The following TBC1D10B variants were observed in gnomAD, a reference collection of about 807,000 sequenced individuals.
TBC1D10B encodes TBC1 domain family member 10B.
Under a neutral mutation model 78.4 loss-of-function variants are expected in TBC1D10B, and 25 were observed. The observed-to-expected ratio is 0.32, with a 90% CI of 0.23 to 0.45. TBC1D10B has a LOEUF of 0.45. Ranked by LOEUF, TBC1D10B falls within the 20% of genes least tolerant of loss-of-function variation. The pLI, the probability that TBC1D10B is intolerant of heterozygous loss-of-function variation, is 1.00. For synonymous variants in TBC1D10B, 517 were observed against 478.0 expected, an observed-to-expected ratio of 1.08 and a Z score of -1.06; for missense variants, 996 against 1,104.8, an observed-to-expected ratio of 0.90 and a Z score of 1.40.
At chr16:30,361,204 G>C (rs1290996339) in intron 4 of TBC1D10B, among the ~76,000 whole-genome samples, 3 of 152,062 alleles carry the variant, frequency 2.0e-5, no homozygotes, top group Non-Finnish European at 4.4e-5. Flanking sequence ...AGAATCACTT[G>C]AATCTGGGAA....
chr16:30,364,854 T>C (rs1287206610), intron 4 of TBC1D10B, 46 bp downstream of exon 4: 1 of 1,540,444 alleles, frequency 6.5e-7, no homozygotes, highest in African/African-American at 1.4e-5. Context: ...AGGTGGATCC[T>C]CCAGCCAATG....
Position 30,369,235 on chromosome 16 carries a change from C to A in TBC1D10B, c.949G>T (p.Gly317Cys), listed in dbSNP as rs200549383. The A allele has an allele frequency of 1.5e-4, 242 of 1,579,640 alleles. No individual in the cohort carries two copies. The East Asian group carries it at 4.5e-3, about 29-fold the overall frequency. The change falls in exon 1 of 9, where the codon GGC becomes TGC. Residue 317 changes from glycine (G) to cysteine (C), a missense_variant. Transcript: ENST00000409939. The surrounding 1 kb of genome is among the most constrained non-coding windows in gnomAD (Gnocchi z 4.3). ...YGFLGGSQYSGSLESSIPVDV... is the reference protein window; with the variant it reads ...YGFLGGSQYSCSLESSIPVDV... ...GTGCCCACTGGTACTCACAGGCTGCCCGAGTACTGGCTGCCCCCAAGGAAG... is the reference window on the plus strand; with the variant it reads ...GTGCCCACTGGTACTCACAGGCTGCACGAGTACTGGCTGCCCCCAAGGAAG...
In TBC1D10B at chr16:30,365,520, TTATCCCAGTTACTGAACA is replaced by T; in HGVS notation, c.1013_1030del (p.Met338_Asp343del). The T allele has an allele frequency of 6.2e-7, 1 of 1,614,056 alleles. No individual in the cohort carries two copies. On this transcript the variant is annotated inframe_deletion, in exon 2 of 9. Coordinates refer to ENST00000409939, the MANE Select transcript of TBC1D10B (RefSeq NM_015527.4). The surrounding 1 kb of genome is among the most constrained non-coding windows in gnomAD (Gnocchi z 5.0). ...CTTCTGGAATCGCCGTGACAGCCAC[TTATCCCAGTTACTGAACA>T]TGTCCAGCCATTTGAGCTCCCGCTG...
chr16:30,364,345 G>T (rs1037020600), intron 4 of TBC1D10B, among the ~76,000 whole-genome samples: 1 of 152,014 alleles, frequency 6.6e-6, no homozygotes, highest in African/African-American at 2.4e-5. Flanking sequence ...GGAGGCTGAG[G>T]CATGAGAATT....
Position 30,365,694 on chromosome 16 carries a change from A to G in TBC1D10B, c.957-100T>C. On this transcript the variant is annotated intron_variant, in intron 1 of 8. Transcript: ENST00000409939. The surrounding 1 kb of genome is among the most constrained non-coding windows in gnomAD (Gnocchi z 5.0). The stretch of plus-strand genomic sequence containing the variant: ...AGCCACCTCCCCAAGCTCAAACGAG[A>G]AACTGGATAGTCTGTGAGCTGCCAA... The G allele has an allele frequency of 1.8e-6, 2 of 1,123,158 alleles. No homozygotes were observed. The highest frequency in any genetic ancestry group is 1.3e-6 in the Non-Finnish European group (1 of 752,972). The allele number at this position is 1,123,158 out of a possible 1,614,324, so 69.6% of individuals were successfully genotyped here. A position where few individuals can be genotyped will look rare whatever the true frequency, so the allele number is the denominator to read the frequency against.
Position 30,369,616 on chromosome 16 carries a change from C to A in TBC1D10B, c.568G>T (p.Gly190Ter). 6.6e-7 allele frequency: 1 copy of A among 1,525,450 alleles called. No homozygotes were observed. Among genetic ancestry groups the A allele is most frequent in the Non-Finnish European group, 8.8e-7 (1 of 1,133,688 alleles). The allele number at this position is 1,525,450 out of a possible 1,614,324, so 94.5% of individuals were successfully genotyped here. A position where few individuals can be genotyped will look rare whatever the true frequency, so the allele number is the denominator to read the frequency against. ...GCTCCATGCCCACCTGTCACTTGTC[C>A]TGATGCACTCCGTGCAGTCACTCCT... ...ASGVTARSAS[G>*]QVTGGHGAAA... is the part of the protein sequence containing the mutation. Residue 190 changes from glycine to a stop codon, truncating the protein, a stop_gained, in exon 1 of 9, where the codon GGA (glycine) becomes TGA (stop). Transcript: ENST00000409939. LOFTEE classifies it high-confidence loss of function. The surrounding 1 kb of genome is among the most constrained non-coding windows in gnomAD (Gnocchi z 4.3).
chr16:30,358,984 A>G (rs2049580665), intron 7 of TBC1D10B, 167 bp from the exon 8 acceptor site: 1 of 1,205,892 alleles, frequency 8.3e-7, no homozygotes, highest in South Asian at 1.6e-5. Context: ...GGATCTTGGC[A>G]GGGAGAGCAG....
chr16:30,365,092 G>C lies in TBC1D10B; in HGVS notation c.1164+13C>G. Reference sequence around the variant, plus strand: ...CAGGGCCACATGTCCCCACACCTTGGAGCTGCACGCACCTCAAACTTTCCT... The same window carrying C: ...CAGGGCCACATGTCCCCACACCTTGCAGCTGCACGCACCTCAAACTTTCCT... On this transcript the variant is annotated intron_variant, in intron 3 of 8. Transcript: ENST00000409939. The surrounding 1 kb of genome is among the most constrained non-coding windows in gnomAD (Gnocchi z 5.0). 1 of 1,613,786 alleles carries C rather than the reference G, an allele frequency of 6.2e-7. No homozygotes were observed. Among genetic ancestry groups the C allele is most frequent in the Non-Finnish European group, 8.5e-7 (1 of 1,179,722 alleles).
Position 30,369,468 on chromosome 16 carries a change from G to C in TBC1D10B, c.716C>G (p.Pro239Arg). 2.6e-6 allele frequency: 4 copies of C among 1,551,846 alleles called. No individual in the cohort carries two copies. Among genetic ancestry groups the C allele is most frequent in the Non-Finnish European group, 3.5e-6 (4 of 1,147,278 alleles). The change falls in exon 1 of 9, where the codon CCT (proline) becomes CGT (arginine). Residue 239 changes from proline to arginine, a missense_variant. Pro to Arg is a moderately radical substitution (Grantham distance 103). Coordinates refer to ENST00000409939, the MANE Select transcript of TBC1D10B (RefSeq NM_015527.4). The surrounding 1 kb of genome is among the most constrained non-coding windows in gnomAD (Gnocchi z 4.3). ...GCCCAGGTCTTGAGAGTTTTCAGCA[G>C]GCTCCGGAGCTGGGGTCACGGTCAC... Reference protein sequence around the residue: ...AVVTVTPAPEPAENSQDLGST... With the variant: ...AVVTVTPAPERAENSQDLGST...
intron 4 of TBC1D10B, among the ~76,000 whole-genome samples, chr16:30,361,951 A>G (rs1267460420): frequency 4.0e-5 from 6 of 151,722 alleles, no homozygotes; most frequent in Non-Finnish European, 8.8e-5. Flanking sequence ...GGTTCACACC[A>G]TTCTCCTGCC....
In TBC1D10B at chr16:30,358,483, A is replaced by C. The variant is rs1276029781; in HGVS notation, c.1888T>G (p.Tyr630Asp). The change falls in exon 9 of 9, where the codon TAT becomes GAT. Residue 630 changes from tyrosine to aspartate, a missense_variant. By Grantham distance (160) the Tyr-to-Asp change is radical. Around this residue, in one of 5 missense-constraint regions of TBC1D10B, gnomAD observed 285 missense variants for 252.5 expected, o/e 1.13. Coordinates refer to ENST00000409939, the MANE Select transcript of TBC1D10B (RefSeq NM_015527.4). ...KWRETRGELQYRPSRRLHGSR... is the reference protein window; with the variant it reads ...KWRETRGELQDRPSRRLHGSR... ...CCATGCAGTCGCCGTGAGGGCCGAT[A>C]CTGCAGCTCCCCCCGCGTTTCCCGC... 6.3e-7 allele frequency: 1 copy of C among 1,599,342 alleles called. No homozygotes were observed. The highest frequency in any genetic ancestry group is 1.1e-5 in the South Asian group (1 of 88,796).
intron 1 of TBC1D10B, chr16:30,367,905 C>A (rs2049649189): frequency 6.6e-6 from 1 of 152,206 alleles, no homozygotes. Context: ...AGAAACAGCA[C>A]CCGGCATAGT....
Position 30,359,290 on chromosome 16 carries a change from G to T in TBC1D10B, c.1524C>A (p.His508Gln). The change falls in exon 7 of 9, where the codon CAC (histidine) becomes CAA (glutamine). Residue 508 changes from histidine to glutamine, a missense_variant. Coordinates refer to ENST00000409939, the MANE Select transcript of TBC1D10B (RefSeq NM_015527.4). ...LRRASPLAHR[H>Q]LRRQRIDPVL... The stretch of plus-strand genomic sequence containing the variant: ...CAGGGTCAATGCGCTGCCGCCGCAG[G>T]TGGCGATGCGCCAGCGGGGAGGCCC... 1 of 1,606,642 alleles carries T rather than the reference G, an allele frequency of 6.2e-7. No individual in the cohort carries two copies. Among genetic ancestry groups the T allele is most frequent in the Non-Finnish European group, 8.5e-7 (1 of 1,176,646 alleles).
chr16:30,357,560 A>C lies in TBC1D10B; in HGVS notation c.*384T>G. On this transcript the variant is annotated 3_prime_UTR_variant, in exon 9 of 9. Coordinates refer to ENST00000409939, the MANE Select transcript of TBC1D10B (RefSeq NM_015527.4). ...AGACAGGGAGGGCTGAAGACAGGGAAAAGGAAGCCAGCTCCACCTCATGGT... is the reference window on the plus strand; with the variant it reads ...AGACAGGGAGGGCTGAAGACAGGGACAAGGAAGCCAGCTCCACCTCATGGT... 4.1e-6 allele frequency: 1 copy of C among 242,442 alleles called. No homozygotes were observed. The highest frequency in any genetic ancestry group is 8.1e-6 in the Non-Finnish European group (1 of 123,566). 15.0% of individuals were successfully genotyped at this position (242,442 alleles called of 1,614,324 possible).
Position 30,357,713 on chromosome 16 carries a change from G to T in TBC1D10B, c.*231C>A, listed in dbSNP as rs993885975. On this transcript the variant is annotated 3_prime_UTR_variant, in exon 9 of 9. Coordinates refer to ENST00000409939, the MANE Select transcript of TBC1D10B (RefSeq NM_015527.4). ...ACCCAGAGGGAACTGGGGCAGGAGC[G>T]ACAGAGACCCCAGCTGAGCCTCATG... is the stretch of plus-strand genomic sequence containing the variant. 7 of 640,470 alleles carry T rather than the reference G, an allele frequency of 1.1e-5. No homozygotes were observed. The highest frequency in any genetic ancestry group is 6.2e-5 in the South Asian group (3 of 48,006). The allele number at this position is 640,470 out of a possible 1,614,324, so 39.7% of individuals were successfully genotyped here.
chr16:30,358,019 C>T lies in TBC1D10B; in HGVS notation c.2352G>A (p.Lys784=). ...CATGGGGGCCTGGGGGCCCATCTGC[C>T]TTTCGACGCAGCGAAAGCTTCCGGC... The part of the protein sequence containing the change: ...AQGRKLSLRR[K]ADGPPGPHDG... Residue 784 remains lysine, a synonymous_variant, in exon 9 of 9, where the codon AAG becomes AAA. Transcript: ENST00000409939. 1.9e-6 allele frequency: 3 copies of T among 1,551,860 alleles called. No individual in the cohort carries two copies. Among genetic ancestry groups the T allele is most frequent in the Non-Finnish European group, 2.6e-6 (3 of 1,147,014 alleles).
intron 7 of TBC1D10B, 56 bp from the exon 8 acceptor site, chr16:30,358,873 T>A (rs901899222): frequency 6.5e-7 from 1 of 1,542,584 alleles, no homozygotes; most frequent in Non-Finnish European, 8.8e-7. Context: ...TCTCAGCCTG[T>A]CCTGATCAGG....
intron 5 of TBC1D10B, 41 bp from the exon 6 acceptor site, chr16:30,359,644 AAGCAGGG>A (rs766565196): frequency 5.1e-6 from 8 of 1,555,554 alleles, no homozygotes; most frequent in South Asian, 2.4e-5. Flanking sequence ...GGGGCCTGAG[AAGCAGGG>A]AGCAGGGAGC....
At chr16:30,360,123 C>T (rs1015297157) in intron 4 of TBC1D10B, 22 of 380,330 alleles carry the variant, frequency 5.8e-5, no homozygotes, top group Non-Finnish European at 8.3e-5. Flanking sequence ...AGGTCATTTT[C>T]TCCAGGAAGC....
Sources: allele counts gnomAD v4.1 joint callset (sites outside exome capture counted in the v4.1 genomes callset), GRCh38; gene constraint gnomAD v4.1.1; regional missense constraint gnomAD v4.1.1; non-coding constraint Gnocchi (gnomAD v3.1); transcripts MANE v1.5; gene names NCBI Gene and HGNC (gene_info 2026-07-23, HGNC 2026-07-21).